MARK3: variants seen among roughly 807,000 people sequenced by gnomAD.
The protein encoded by MARK3 is MAP/microtubule affinity-regulating kinase 3.
MARK3 carries 46 observed loss-of-function variants against 90.1 expected under a neutral mutation model. The observed-to-expected ratio is 0.51, with a 90% CI of 0.40 to 0.65. MARK3 has a LOEUF of 0.65. Among genes scored for constraint, MARK3 ranks in the 30% least tolerant of loss-of-function variants. The pLI is 0.00. For synonymous variants in MARK3, 321 were observed against 332.6 expected (o/e 0.97, Z 0.38); for missense variants, 818 against 947.2 (o/e 0.86, Z 1.79).
At chr14:103,492,152 G>A in intron 15 of MARK3, 118 bp downstream of exon 15, 1 of 1,141,838 alleles carries the variant, frequency 8.8e-7, no homozygotes, top group Non-Finnish European at 1.2e-6. Context: ...TCAGCTCATG[G>A]TTTTCTGGTT....
intron 1 of MARK3, among the ~76,000 whole-genome samples, chr14:103,388,222 C>T (rs1344792342): frequency 2.0e-5 from 3 of 152,372 alleles, no homozygotes; most frequent in South Asian, 2.1e-4. Context: ...TGAGCCACCA[C>T]GCCCAGCCAT....
Position 103,406,650 on chromosome 14 carries a change from T to C in MARK3, c.243+1383T>C, listed in dbSNP as rs539109973. 5.3e-5 allele frequency among the ~76,000 whole-genome samples: 8 copies of C among 151,052 alleles called. No homozygotes were observed. The East Asian group carries it at 1.4e-3, about 26-fold the overall frequency. On this transcript the variant is annotated intron_variant, in intron 2 of 17. Coordinates refer to ENST00000429436, the MANE Select transcript of MARK3 (RefSeq NM_001128918.3). ...CAGAGTCTCACTCTGTCACCCAGGC[T>C]GGAGTGCAGTGGTGCAATCTCGGCT...
At chr14:103,462,912 A>G (rs780012586) in intron 7 of MARK3, among the ~76,000 whole-genome samples, 5 of 152,162 alleles carry the variant, frequency 3.3e-5, no homozygotes, top group Non-Finnish European at 5.9e-5. Context: ...TAGAAACACC[A>G]TGCAGAAACT....
At chr14:103,419,453 CAT>C (rs2092112464) in intron 2 of MARK3, among the ~76,000 whole-genome samples, 4 of 152,074 alleles carry the variant, frequency 2.6e-5, no homozygotes, top group South Asian at 2.1e-4. Context: ...ATGTAAATAA[CAT>C]ATTTTTATGA....
At position 103,468,314 on chromosome 14, in the gene MARK3, CTTTTTTTTTTTTTTTTTTT is replaced by C. The variant is rs759932678; in HGVS notation, c.1264+138_1264+156del. ...CTTGGCATTGCTTTCTTTCTTTCTTCTTTTTTTTTTTTTTTTTTTTTTTTTTTTGAGACAGAGTCTCACT... is the reference window on the plus strand; with the variant it reads ...CTTGGCATTGCTTTCTTTCTTTCTTCTTTTTTTTTGAGACAGAGTCTCACT... On this transcript the variant is annotated intron_variant, in intron 12 of 17. Transcript: ENST00000429436. 11 of 116,126 alleles carry C rather than the reference CTTTTTTTTTTTTTTTTTTT, an allele frequency of 9.5e-5. 1 individual carries two copies. In the Admixed American group the frequency reaches 1.7e-3, roughly 18 times the overall value. 7.2% of individuals were successfully genotyped at this position (116,126 alleles called of 1,614,324 possible). A position where few individuals can be genotyped will look rare whatever the true frequency, so the allele number is the denominator to read the frequency against.
chr14:103,501,906 CT>C (rs1283126955), intron 17 of MARK3, among the ~76,000 whole-genome samples: 1 of 152,164 alleles, frequency 6.6e-6, no homozygotes, highest in Non-Finnish European at 1.5e-5. Flanking sequence ...ACACGGAGAG[CT>C]ATGTGCATAT....
chr14:103,459,924 G>A (rs117105921), intron 6 of MARK3, among the ~76,000 whole-genome samples: 107 of 151,768 alleles, frequency 7.1e-4, no homozygotes, highest in Non-Finnish European at 1.4e-3. Flanking sequence ...AAAGTACACT[G>A]TGTGTGATCC....
chr14:103,456,004 A>AGGT (rs2093270458), intron 5 of MARK3, among the ~76,000 whole-genome samples: 1 of 152,222 alleles, frequency 6.6e-6, no homozygotes, highest in Non-Finnish European at 1.5e-5. Flanking sequence ...TTGATTTCAG[A>AGGT]GGTGGTGATT....
At chr14:103,402,356 TAGCCTGG>T (rs2091013111) in intron 1 of MARK3, among the ~76,000 whole-genome samples, 1 of 152,058 alleles carries the variant, frequency 6.6e-6, no homozygotes, top group African/African-American at 2.4e-5. Context: ...AGTTCGAGAC[TAGCCTGG>T]CCAACATAGT....
At chr14:103,389,464 GT>G (rs1404026742) in intron 1 of MARK3, among the ~76,000 whole-genome samples, 9 of 134,312 alleles carry the variant, frequency 6.7e-5, no homozygotes, top group African/African-American at 2.5e-4. Flanking sequence ...AGAGGTGAAG[GT>G]TGCAGTGAGC....
chr14:103,492,117 T>C, intron 15 of MARK3, 83 bp downstream of exon 15: 1 of 1,482,394 alleles, frequency 6.7e-7, no homozygotes, highest in Non-Finnish European at 9.1e-7. Context: ...AAGCCACTGC[T>C]ACCTGGATGC....
chr14:103,455,541 A>G (rs985333746), intron 5 of MARK3, among the ~76,000 whole-genome samples: 3 of 152,132 alleles, frequency 2.0e-5, no homozygotes, highest in Non-Finnish European at 4.4e-5. Flanking sequence ...AGCCTGGCCA[A>G]CGTGGTGAAA....
At position 103,396,320 on chromosome 14, in the gene MARK3, T is replaced by C. The variant is rs563282899; in HGVS notation, c.52-8756T>C. Reference sequence around the variant, plus strand: ...ATTTTCCAATATCTCCATAGCTGGCTTAGGATTAATCTTTCTTATATGTGT... The same window carrying C: ...ATTTTCCAATATCTCCATAGCTGGCCTAGGATTAATCTTTCTTATATGTGT... On this transcript the variant is annotated intron_variant, in intron 1 of 17. Transcript: ENST00000429436. Among the ~76,000 whole-genome samples the C allele has an allele frequency of 5.3e-5, 8 of 152,318 alleles. 1 individual carries two copies. In the South Asian group the frequency reaches 1.7e-3, roughly 32 times the overall value.
intron 3 of MARK3, among the ~76,000 whole-genome samples, chr14:103,434,483 C>G (rs182407975): frequency 1.3e-5 from 2 of 152,284 alleles, no homozygotes; most frequent in Admixed American, 6.5e-5. Context: ...TTAAGAGGGG[C>G]AAAAGCATTG....
Position 103,491,934 on chromosome 14 carries a change from G to C in MARK3, c.1744G>C (p.Ala582Pro). The C allele has an allele frequency of 6.2e-7, 1 of 1,614,096 alleles. No individual in the cohort carries two copies. The highest frequency in any genetic ancestry group is 8.5e-7 in the Non-Finnish European group (1 of 1,180,024). ...RRTATYNGPP[A>P]SPSLSHEATP... ...AACCGCAACATATAATGGCCCTCCT[G>C]CCTCTCCCAGCCTGTCCCATGAAGC... The change falls in exon 15 of 18, where the codon GCC (alanine) becomes CCC (proline). Residue 582 changes from alanine to proline, a missense_variant. Physicochemically the swap from Ala to Pro is conservative, Grantham distance 27 (BLOSUM62 -1). Coordinates refer to ENST00000429436, the MANE Select transcript of MARK3 (RefSeq NM_001128918.3).
At chr14:103,446,506 A>T (rs2092997729) in intron 3 of MARK3, among the ~76,000 whole-genome samples, 1 of 152,114 alleles carries the variant, frequency 6.6e-6, no homozygotes, top group South Asian at 2.1e-4. Flanking sequence ...TGGGCATCAG[A>T]GTAAGACTCC....
At chr14:103,415,793 A>G (rs1286880195) in intron 2 of MARK3, among the ~76,000 whole-genome samples, 3 of 152,222 alleles carry the variant, frequency 2.0e-5, no homozygotes, top group Admixed American at 6.5e-5. Flanking sequence ...CAAATATACT[A>G]AAAAGTTCTA....
At chr14:103,452,370 C>T (rs940210351) in intron 5 of MARK3, among the ~76,000 whole-genome samples, 1 of 151,932 alleles carries the variant, frequency 6.6e-6, no homozygotes, top group Non-Finnish European at 1.5e-5. Context: ...ACTAACTCTC[C>T]ATTTCTCCTT....
chr14:103,421,148 C>T (rs192582823), intron 2 of MARK3, among the ~76,000 whole-genome samples: 19 of 152,306 alleles, frequency 1.2e-4, no homozygotes, highest in Middle Eastern at 3.4e-3. Flanking sequence ...AAGTTTCACT[C>T]AAGTGTGCGT....
Sources: allele counts gnomAD v4.1 joint callset (sites outside exome capture counted in the v4.1 genomes callset), GRCh38; gene constraint gnomAD v4.1.1; transcripts MANE v1.5; gene names NCBI Gene and HGNC (gene_info 2026-07-23, HGNC 2026-07-21).